The following CD2AP variants were observed in gnomAD, a reference collection of about 807,000 sequenced individuals.
CD2AP encodes the protein CD2 associated protein.
In CD2AP, 46 loss-of-function variants were observed where a neutral mutation model predicts 85.1. The observed-to-expected ratio is 0.54, with a 90% CI of 0.43 to 0.69. CD2AP has a LOEUF of 0.69. Among genes scored for constraint, CD2AP ranks in the 30% least tolerant of loss-of-function variants. The pLI, the probability that CD2AP is intolerant of heterozygous loss-of-function variation, is 0.00. For missense variants in CD2AP, 769 were observed against 729.5 expected, an observed-to-expected ratio of 1.05 and a Z score of -0.62; for synonymous variants, 255 against 252.9, an observed-to-expected ratio of 1.01 and a Z score of -0.08.
intron 5 of CD2AP, among the ~76,000 whole-genome samples, chr6:47,558,318 T>G (rs891424723): frequency 2.0e-5 from 3 of 152,236 alleles, no homozygotes; most frequent in Non-Finnish European, 2.9e-5. Flanking sequence ...TGCCCTTTCT[T>G]TCTCTTGCCT....
At position 47,596,008 on chromosome 6, in the gene CD2AP, C is replaced by T. The variant is rs182833071; in HGVS notation, c.1256C>T (p.Pro419Leu). ...AAGCGACCTGAAAAACCAGTTCCTC[C>T]ACCACCTCCTATAGCCAAGTAAGTT... ...YPKRPEKPVP[P>L]PPPIAKINGE... The change falls in exon 12 of 18, where the codon CCA (proline) becomes CTA (leucine). Residue 419 changes from proline to leucine, a missense_variant. Physicochemically the swap from Pro to Leu is moderately conservative, Grantham distance 98 (BLOSUM62 -3). Transcript: ENST00000359314. The T allele has an allele frequency of 6.2e-6, 10 of 1,612,146 alleles. No homozygotes were observed. The Admixed American group carries it at 8.3e-5, about 13-fold the overall frequency.
intron 2 of CD2AP, among the ~76,000 whole-genome samples, chr6:47,525,938 A>G (rs1035757665): frequency 2.0e-5 from 3 of 152,150 alleles, no homozygotes; most frequent in African/African-American, 7.2e-5. Context: ...TTGACTATAC[A>G]TGATTGCTTT....
intron 10 of CD2AP, among the ~76,000 whole-genome samples, 168 bp from the exon 11 acceptor site, chr6:47,581,835 G>A (rs1255569882): frequency 6.6e-6 from 1 of 152,116 alleles, no homozygotes; most frequent in Admixed American, 6.5e-5. Context: ...AATAGTGGCA[G>A]GTCCAGGATT....
At chr6:47,597,561 C>G (rs986458104) in intron 12 of CD2AP, among the ~76,000 whole-genome samples, 2 of 150,920 alleles carry the variant, frequency 1.3e-5, no homozygotes, top group Non-Finnish European at 3.0e-5. Flanking sequence ...TTCATGGCAG[C>G]TGGAGGAACA....
chr6:47,572,858 C>T (rs1768193920), intron 5 of CD2AP, among the ~76,000 whole-genome samples: 1 of 152,202 alleles, frequency 6.6e-6, no homozygotes, highest in Admixed American at 6.5e-5. Context: ...ATGCCTGGTA[C>T]AGAATTAGCT....
intron 5 of CD2AP, among the ~76,000 whole-genome samples, chr6:47,573,769 G>A (rs374671796): frequency 3.3e-5 from 5 of 152,154 alleles, no homozygotes; most frequent in East Asian, 1.9e-4. Context: ...GATTACAGAC[G>A]TGAGCCACCA....
intron 3 of CD2AP, among the ~76,000 whole-genome samples, chr6:47,541,891 T>C (rs1177784876): frequency 6.6e-6 from 1 of 152,242 alleles, no homozygotes; most frequent in Non-Finnish European, 1.5e-5. Flanking sequence ...GAGATCATGA[T>C]TTGATGCAGT....
At chr6:47,561,294 T>C (rs1374796197) in intron 5 of CD2AP, among the ~76,000 whole-genome samples, 1 of 152,194 alleles carries the variant, frequency 6.6e-6, no homozygotes, top group Admixed American at 6.5e-5. Context: ...TTTTCTGCCC[T>C]TAGTCCTAGG....
At chr6:47,623,329 G>A (rs76547206) in intron 17 of CD2AP, among the ~76,000 whole-genome samples, 2,375 of 152,286 alleles carry the variant, frequency 0.016, 43 homozygotes, top group African/African-American at 0.038. Flanking sequence ...ATCAGGATAA[G>A]GCAAGGCCTA....
At chr6:47,573,950 AT>A (rs1351752502) in intron 5 of CD2AP, 113 bp from the exon 6 acceptor site, 10 of 945,388 alleles carry the variant, frequency 1.1e-5, no homozygotes, top group South Asian at 4.0e-5. Flanking sequence ...GAATAGTTTA[AT>A]TTTTTTTCTA....
chr6:47,527,911 A>G (rs149469132), intron 2 of CD2AP, among the ~76,000 whole-genome samples: 29 of 152,174 alleles, frequency 1.9e-4, no homozygotes, highest in Non-Finnish European at 3.4e-4. Context: ...CTTTACCTAC[A>G]TTTGTTTTTT....
chr6:47,519,580 G>C (rs1452002476), intron 2 of CD2AP, among the ~76,000 whole-genome samples: 2 of 152,136 alleles, frequency 1.3e-5, no homozygotes, highest in Non-Finnish European at 2.9e-5. Context: ...CTGTGTCAAA[G>C]CAGGGAACTT....
chr6:47,489,173 T>G (rs1417618956), intron 1 of CD2AP: 2 of 24,150 alleles, frequency 8.3e-5, no homozygotes, highest in Non-Finnish European at 2.9e-4. Context: ...AGTTTTTTTT[T>G]TTTTTTTTTT....
intron 11 of CD2AP, among the ~76,000 whole-genome samples, chr6:47,588,377 A>G (rs1562045668): frequency 2.6e-5 from 4 of 152,170 alleles, no homozygotes; most frequent in Admixed American, 1.3e-4. Context: ...GTTACACAAT[A>G]GGTATATAAT....
intron 5 of CD2AP, 30 bp from the exon 6 acceptor site, chr6:47,574,034 T>G: frequency 6.3e-7 from 1 of 1,592,056 alleles, no homozygotes; most frequent in Non-Finnish European, 8.6e-7. Context: ...ATTCTAGGTG[T>G]CATTCTTCAA....
chr6:47,546,888 AC>A (rs748114234), intron 4 of CD2AP, among the ~76,000 whole-genome samples: 3 of 152,188 alleles, frequency 2.0e-5, no homozygotes, highest in Non-Finnish European at 2.9e-5. Flanking sequence ...CCTCAACAAA[AC>A]AATTATCAGC....
At chr6:47,577,553 A>G (rs1397571726) in intron 8 of CD2AP, among the ~76,000 whole-genome samples, 2 of 152,214 alleles carry the variant, frequency 1.3e-5, no homozygotes, top group Non-Finnish European at 2.9e-5. Flanking sequence ...TACTCTGGAA[A>G]ATGATGTCAC....
At chr6:47,485,657 A>G (rs1765551183) in intron 1 of CD2AP, among the ~76,000 whole-genome samples, 1 of 152,130 alleles carries the variant, frequency 6.6e-6, no homozygotes. Flanking sequence ...AGGCCTTCAC[A>G]TTTGCTCACC....
At chr6:47,591,800 T>A (rs1167908078) in intron 11 of CD2AP, among the ~76,000 whole-genome samples, 1 of 152,112 alleles carries the variant, frequency 6.6e-6, no homozygotes, top group African/African-American at 2.4e-5. Flanking sequence ...GTTAAAAAAA[T>A]TATATACCTG....
Sources: gnomAD v4.1 joint callset for allele counts (sites outside exome capture counted in the v4.1 genomes callset) on GRCh38, gnomAD v4.1.1 for gene constraint, MANE v1.5 for transcripts, NCBI Gene and HGNC (gene_info 2026-07-23, HGNC 2026-07-21) for gene names.